STK3: variants seen among roughly 807,000 people sequenced by gnomAD.
STK3 encodes the protein serine/threonine-protein kinase 3.
In STK3, 41 loss-of-function variants were observed where a neutral mutation model predicts 58.0. That is an observed-to-expected ratio of 0.71 (90% CI 0.55 to 0.92). STK3 has a LOEUF of 0.92. Among genes scored for constraint, STK3 ranks in the 40% least tolerant of loss-of-function variants. STK3 has a pLI of 0.00. For missense variants in STK3, 479 were observed against 602.7 expected (o/e 0.79, Z 2.15); for synonymous variants, 170 against 191.0 (o/e 0.89, Z 0.91).
At chr8:98,630,279 T>C (rs1227663581) in intron 6 of STK3, among the ~76,000 whole-genome samples, 1 of 152,206 alleles carries the variant, frequency 6.6e-6, no homozygotes, top group Non-Finnish European at 1.5e-5. Context: ...AACCACATTT[T>C]AAAAATAGTT....
At chr8:98,411,797 C>A (rs1647010667) in intron 3 of STK3, among the ~76,000 whole-genome samples, 1 of 152,176 alleles carries the variant, frequency 6.6e-6, no homozygotes, top group African/African-American at 2.4e-5. Context: ...GTACTAAGTC[C>A]CAGGCTGGAT....
At chr8:98,551,002 A>AT (rs964827387) in intron 8 of STK3, among the ~76,000 whole-genome samples, 7 of 152,018 alleles carry the variant, frequency 4.6e-5, no homozygotes, top group Non-Finnish European at 1.0e-4. Flanking sequence ...GACCAATCCT[A>AT]TTTTCCCATT....
chr8:98,445,469 A>T (rs1818899422), intron 1 of STK3, among the ~76,000 whole-genome samples: 1 of 152,212 alleles, frequency 6.6e-6, no homozygotes, highest in Non-Finnish European at 1.5e-5. Flanking sequence ...ATTTCAACAC[A>T]TAATAAATAT....
At chr8:98,474,074 C>T (rs1330648925) in intron 10 of STK3, among the ~76,000 whole-genome samples, 4 of 152,154 alleles carry the variant, frequency 2.6e-5, no homozygotes, top group African/African-American at 4.8e-5. Flanking sequence ...CACCATCCAA[C>T]TAGTTGCAAA....
chr8:98,726,148 G>T (rs918594617), intron 4 of STK3, among the ~76,000 whole-genome samples: 5 of 152,152 alleles, frequency 3.3e-5, no homozygotes, highest in African/African-American at 1.2e-4. Context: ...CAAAAATAAA[G>T]TGTATGAAGG....
intron 2 of STK3, among the ~76,000 whole-genome samples, chr8:98,772,989 T>C (rs999108769): frequency 1.3e-5 from 2 of 152,236 alleles, no homozygotes; most frequent in Non-Finnish European, 2.9e-5. Context: ...AAATCTCTTA[T>C]TTTTTAGAAT....
chr8:98,548,749 A>G (rs905000934), intron 8 of STK3, among the ~76,000 whole-genome samples: 9 of 152,142 alleles, frequency 5.9e-5, no homozygotes, highest in African/African-American at 2.2e-4. Flanking sequence ...GGCAACCTCT[A>G]TTGTACTTAC....
chr8:98,606,386 T>C (rs1440404758), intron 6 of STK3: 1 of 152,204 alleles, frequency 6.6e-6, no homozygotes, highest in African/African-American at 2.4e-5. Flanking sequence ...TCTTTTGCAG[T>C]GTTCTGAACA....
intron 1 of STK3, among the ~76,000 whole-genome samples, chr8:98,821,419 A>G (rs1834888371): frequency 6.6e-6 from 1 of 151,870 alleles, no homozygotes. Flanking sequence ...GATTTAATGA[A>G]TTTCCCTTCC....
intron 1 of STK3, among the ~76,000 whole-genome samples, chr8:98,796,861 C>G (rs1356554905): frequency 6.6e-6 from 1 of 152,192 alleles, no homozygotes; most frequent in Non-Finnish European, 1.5e-5. Flanking sequence ...AAATGCTCAA[C>G]ATGACTAATC....
intron 4 of STK3, among the ~76,000 whole-genome samples, chr8:98,741,404 C>T (rs982277320): frequency 6.6e-5 from 10 of 152,146 alleles, no homozygotes; most frequent in Admixed American, 1.3e-4. Context: ...TCTCTCAGAC[C>T]ACAGTACAAT....
chr8:98,402,425 C>A (rs186491171), intron 3 of STK3, among the ~76,000 whole-genome samples: 107 of 152,302 alleles, frequency 7.0e-4, no homozygotes, highest in Non-Finnish European at 1.0e-3. Flanking sequence ...TCCCTGGAGT[C>A]TGTGTTTGGC....
intron 6 of STK3, among the ~76,000 whole-genome samples, chr8:98,659,050 T>C (rs868846603): frequency 1.3e-5 from 2 of 152,066 alleles, no homozygotes; most frequent in Admixed American, 6.6e-5. Context: ...CTAGGAGCAA[T>C]AGGCTATACC....
chr8:98,534,877 T>TA (rs1429162057), intron 9 of STK3, among the ~76,000 whole-genome samples: 3 of 152,220 alleles, frequency 2.0e-5, no homozygotes, highest in Non-Finnish European at 4.4e-5. Flanking sequence ...ACATATTTTT[T>TA]ATAAACCAAT....
chr8:98,779,738 G>T (rs1173834546), intron 1 of STK3, among the ~76,000 whole-genome samples: 1 of 152,104 alleles, frequency 6.6e-6, no homozygotes, highest in Non-Finnish European at 1.5e-5. Flanking sequence ...AAGCATCAAT[G>T]TTCTTTTTTA....
intron 1 of STK3, among the ~76,000 whole-genome samples, chr8:98,776,385 C>G (rs1053519392): frequency 6.6e-6 from 1 of 152,158 alleles, no homozygotes; most frequent in Non-Finnish European, 1.5e-5. Flanking sequence ...TTTTGTTATT[C>G]CTTGACAACT....
rs192722068 is a variant in STK3, at chr8:98,565,875, G to A, written c.948+13789C>T. On this transcript the variant is annotated intron_variant, in intron 8 of 10. Transcript: ENST00000419617. ...TATCTTCCACTAATATCCAGAAAAC[G>A]AATTCTTACTATGTAATACAGTTGA... Among the ~76,000 whole-genome samples, 1,403 of 152,158 alleles carry A rather than the reference G, an allele frequency of 9.2e-3. 18 individuals are homozygous for A. The highest frequency in any genetic ancestry group is 0.032 in the African/African-American group (1,325 of 41,524).
chr8:98,629,833 G>T (rs556942938), intron 6 of STK3, among the ~76,000 whole-genome samples: 4 of 151,990 alleles, frequency 2.6e-5, no homozygotes, highest in Non-Finnish European at 1.5e-5. Flanking sequence ...AGTGCTTTTC[G>T]CATGCAAACC....
intron 1 of STK3, among the ~76,000 whole-genome samples, chr8:98,792,952 T>C (rs891382872): frequency 3.9e-5 from 6 of 152,014 alleles, no homozygotes; most frequent in Admixed American, 3.9e-4. Context: ...CATATATGTG[T>C]ATGTGTGTGT....
Sources: allele counts gnomAD v4.1 joint callset (sites outside exome capture counted in the v4.1 genomes callset), GRCh38; gene constraint gnomAD v4.1.1; transcripts MANE v1.5; gene names NCBI Gene and HGNC (gene_info 2026-07-23, HGNC 2026-07-21).